The following BMPR1B variants were observed in gnomAD, a reference collection of about 807,000 sequenced individuals.
The protein encoded by BMPR1B is bone morphogenetic protein receptor type-1B.
Under a neutral mutation model 59.1 loss-of-function variants are expected in BMPR1B, and 12 were observed. The observed-to-expected ratio is 0.20, with a 90% confidence interval of 0.13 to 0.33. The LOEUF (loss-of-function observed/expected upper bound fraction) is 0.33, where lower values mean the gene tolerates loss of function less well. Ranked by LOEUF, BMPR1B falls within the 10% of genes least tolerant of loss-of-function variation. BMPR1B has a pLI of 1.00. For synonymous variants in BMPR1B, 237 were observed against 207.3 expected (o/e 1.14, Z -1.23); for missense variants, 550 against 610.9 (o/e 0.90, Z 1.05).
chr4:95,105,733 A>G (rs1731156215), intron 4 of BMPR1B, among the ~76,000 whole-genome samples: 1 of 152,040 alleles, frequency 6.6e-6, no homozygotes, highest in Non-Finnish European at 1.5e-5. Context: ...CTCTTGTACT[A>G]CAAAGTTGTG....
At chr4:95,034,314 C>T (rs1725077907) in intron 3 of BMPR1B, among the ~76,000 whole-genome samples, 1 of 151,922 alleles carries the variant, frequency 6.6e-6, no homozygotes, top group South Asian at 2.1e-4. Context: ...TTTAGGGGAA[C>T]AGGTGGTTTT....
chr4:95,099,565 G>A (rs1374966349), intron 3 of BMPR1B, among the ~76,000 whole-genome samples: 1 of 152,142 alleles, frequency 6.6e-6, no homozygotes, highest in African/African-American at 2.4e-5. Context: ...ATATGGTGAT[G>A]TGAATCCTTC....
chr4:94,951,469 G>A (rs1414872884), intron 2 of BMPR1B, among the ~76,000 whole-genome samples: 7 of 152,156 alleles, frequency 4.6e-5, no homozygotes, highest in African/African-American at 1.4e-4. Context: ...TGTATTGAGT[G>A]TTTTTAGCAT....
chr4:94,884,268 G>A (rs1009741055), intron 2 of BMPR1B, among the ~76,000 whole-genome samples: 4 of 152,188 alleles, frequency 2.6e-5, no homozygotes, highest in African/African-American at 9.6e-5. Context: ...GCTCATGCCT[G>A]TAATCCCAGC....
chr4:94,838,628 T>C (rs1363521791), intron 1 of BMPR1B, among the ~76,000 whole-genome samples: 3 of 141,708 alleles, frequency 2.1e-5, no homozygotes, highest in South Asian at 2.3e-4. Flanking sequence ...TTTTTTATTG[T>C]GTCTATTTGA....
At chr4:94,867,031 A>G (rs1342606171) in intron 1 of BMPR1B, among the ~76,000 whole-genome samples, 1 of 152,168 alleles carries the variant, frequency 6.6e-6, no homozygotes, top group African/African-American at 2.4e-5. Context: ...GCACACAATA[A>G]TATTAGTTAA....
chr4:94,992,969 G>A (rs1194253710), intron 2 of BMPR1B, among the ~76,000 whole-genome samples: 5 of 152,148 alleles, frequency 3.3e-5, no homozygotes, highest in Admixed American at 1.3e-4. Flanking sequence ...CTGTAGCCTC[G>A]AATCCCTGAG....
At chr4:95,029,331 A>C (rs928734737) in intron 3 of BMPR1B, among the ~76,000 whole-genome samples, 4 of 141,712 alleles carry the variant, frequency 2.8e-5, no homozygotes, top group Admixed American at 2.4e-4. Flanking sequence ...CCCACCTATG[A>C]GTGAGAACAT....
At position 94,920,364 on chromosome 4, in the gene BMPR1B, T is replaced by G. The variant is rs1398221742; in HGVS notation, c.-113+44464T>G. On this transcript the variant is annotated intron_variant, in intron 2 of 12. Coordinates refer to ENST00000515059, the MANE Select transcript of BMPR1B (RefSeq NM_001203.3). ...TGCTTATTGTCTCTTGTTAATTAATTATATTAATTATACAGCTAGTGCTCA... is the reference window on the plus strand; with the variant it reads ...TGCTTATTGTCTCTTGTTAATTAATGATATTAATTATACAGCTAGTGCTCA... Among the ~76,000 whole-genome samples the G allele has an allele frequency of 3.9e-4, 60 of 152,320 alleles. 1 individual carries two copies. Among genetic ancestry groups the G allele is most frequent in the Admixed American group, 3.9e-3 (60 of 15,298 alleles).
At chr4:94,845,233 T>G (rs1240499640) in intron 1 of BMPR1B, among the ~76,000 whole-genome samples, 4 of 152,126 alleles carry the variant, frequency 2.6e-5, no homozygotes, top group Non-Finnish European at 4.4e-5. Context: ...AAAACTACAT[T>G]TGTACTTTTA....
At chr4:94,793,156 A>G (rs1211348294) in intron 1 of BMPR1B, among the ~76,000 whole-genome samples, 3 of 152,076 alleles carry the variant, frequency 2.0e-5, no homozygotes, top group East Asian at 3.9e-4. Flanking sequence ...TCCCAATGCT[A>G]TCCCTCCCCC....
chr4:94,862,761 C>T (rs947510765), intron 1 of BMPR1B, among the ~76,000 whole-genome samples: 8 of 151,238 alleles, frequency 5.3e-5, no homozygotes, highest in African/African-American at 7.3e-5. Flanking sequence ...CTGGCTAACA[C>T]GGTGAAACCC....
At chr4:95,084,272 GTGTA>G (rs1275508661) in intron 3 of BMPR1B, among the ~76,000 whole-genome samples, 2 of 149,746 alleles carry the variant, frequency 1.3e-5, no homozygotes, top group Non-Finnish European at 3.0e-5. Flanking sequence ...TCAGTACTCT[GTGTA>G]TGTACATGAT....
intron 1 of BMPR1B, among the ~76,000 whole-genome samples, chr4:94,848,062 C>T (rs1725410403): frequency 6.6e-6 from 1 of 151,780 alleles, no homozygotes; most frequent in African/African-American, 2.4e-5. Flanking sequence ...TAATATGTGC[C>T]TACAAAAATT....
At chr4:94,976,202 G>A (rs910004449) in intron 2 of BMPR1B, among the ~76,000 whole-genome samples, 6 of 152,206 alleles carry the variant, frequency 3.9e-5, no homozygotes, top group Non-Finnish European at 8.8e-5. Flanking sequence ...GCAGCCCCAA[G>A]GCAGTCAGAC....
intron 1 of BMPR1B, among the ~76,000 whole-genome samples, chr4:94,853,977 A>G (rs1041399609): frequency 2.0e-5 from 3 of 152,146 alleles, no homozygotes; most frequent in Non-Finnish European, 4.4e-5. Flanking sequence ...TTTCTTCAGG[A>G]TGGTGATCAG....
At chr4:95,117,132 T>G (rs531968493) in intron 6 of BMPR1B, among the ~76,000 whole-genome samples, 1 of 152,112 alleles carries the variant, frequency 6.6e-6, no homozygotes, top group Non-Finnish European at 1.5e-5. Context: ...AACAAGACTT[T>G]AAGGATGAAG....
At chr4:94,999,158 T>G (rs922435512) in intron 3 of BMPR1B, among the ~76,000 whole-genome samples, 1 of 152,178 alleles carries the variant, frequency 6.6e-6, no homozygotes, top group African/African-American at 2.4e-5. Context: ...TGCCTGAGAC[T>G]GTAATCTATT....
At chr4:94,819,249 C>A (rs954195010) in intron 1 of BMPR1B, among the ~76,000 whole-genome samples, 1 of 152,058 alleles carries the variant, frequency 6.6e-6, no homozygotes, top group Admixed American at 6.6e-5. Flanking sequence ...TATATTTCTC[C>A]CTCTTTTTTC....
Sources: allele counts gnomAD v4.1 joint callset (sites outside exome capture counted in the v4.1 genomes callset), GRCh38; gene constraint gnomAD v4.1.1; transcripts MANE v1.5; gene names NCBI Gene and HGNC (gene_info 2026-07-23, HGNC 2026-07-21).